Variants in ARHGEF18 observed in about 807,000 individuals in gnomAD.
The protein encoded by ARHGEF18 is Rho/Rac guanine nucleotide exchange factor 18, also known as rho guanine nucleotide exchange factor 18.
A neutral mutation model predicts 155.7 loss-of-function variants in ARHGEF18; 93 were observed. That is an observed-to-expected ratio of 0.60 (90% CI 0.50 to 0.71). ARHGEF18 has a LOEUF of 0.71. Among genes scored for constraint, ARHGEF18 ranks in the 30% least tolerant of loss-of-function variants. ARHGEF18 has a pLI of 0.00. For synonymous variants in ARHGEF18, 742 were observed against 753.1 expected, an observed-to-expected ratio of 0.99 and a Z score of 0.24; for missense variants, 1,593 against 1,816.1, an observed-to-expected ratio of 0.88 and a Z score of 2.23.
At position 7,383,086 on chromosome 19, in the gene ARHGEF18, G is replaced by C; in HGVS notation, c.850G>C (p.Asp284His). The change falls in exon 10 of 29, where the codon GAC (aspartate) becomes CAC (histidine). Residue 284 changes from aspartate to histidine, a missense_variant. Coordinates refer to ENST00000668164, the MANE Select transcript of ARHGEF18 (RefSeq NM_001367823.1). ...GGGGAAGAGCCCAGCACATCTGAAGGACAAGGGCCAGGATGCACGAGAGAG... is the reference window on the plus strand; with the variant it reads ...GGGGAAGAGCCCAGCACATCTGAAGCACAAGGGCCAGGATGCACGAGAGAG... The part of the protein sequence containing the change: ...EKGKSPAHLK[D>H]KGQDARERRE... 10 of 1,232,486 alleles carry C rather than the reference G, an allele frequency of 8.1e-6. No homozygotes were observed. Among genetic ancestry groups the C allele is most frequent in the Non-Finnish European group, 1.0e-5 (10 of 988,192 alleles). 76.3% of individuals were successfully genotyped at this position (1,232,486 alleles called of 1,614,324 possible). A position where few individuals can be genotyped will look rare whatever the true frequency, so the allele number is the denominator to read the frequency against.
chr19:7,447,456 C>T (rs1975069245), intron 15 of ARHGEF18, among the ~76,000 whole-genome samples: 1 of 151,772 alleles, frequency 6.6e-6, no homozygotes, highest in South Asian at 2.1e-4. Context: ...GCCACTGCCA[C>T]TGCACTCGAG....
intron 10 of ARHGEF18, among the ~76,000 whole-genome samples, chr19:7,436,889 T>C (rs2145751037): frequency 6.6e-6 from 1 of 152,322 alleles, no homozygotes; most frequent in South Asian, 2.1e-4. Context: ...TTGTCTCCTA[T>C]AACAATAGTA....
chr19:7,454,442 A>C (rs1444775791), intron 17 of ARHGEF18, among the ~76,000 whole-genome samples: 1 of 149,940 alleles, frequency 6.7e-6, no homozygotes, highest in Non-Finnish European at 1.5e-5. Context: ...CTCTTGGATC[A>C]GTGGCCACCA....
intron 10 of ARHGEF18, among the ~76,000 whole-genome samples, chr19:7,410,660 A>G (rs565638247): frequency 6.6e-6 from 1 of 151,904 alleles, no homozygotes; most frequent in East Asian, 1.9e-4. Context: ...AAATAAAAAA[A>G]TTAGCTGGGT....
rs998896915 is a variant in ARHGEF18, at chr19:7,467,754, T to C, written c.3480+70T>C. On this transcript the variant is annotated intron_variant, in intron 26 of 28. Coordinates refer to ENST00000668164, the MANE Select transcript of ARHGEF18 (RefSeq NM_001367823.1). ...TTGCACGTGCATTTGCACGAGTGCA[T>C]GCAGGTGACAGGGTTCGCGGGTGCA... 11 of 1,383,658 alleles carry C rather than the reference T, an allele frequency of 7.9e-6. No individual in the cohort carries two copies. The Admixed American group carries it at 3.3e-4, about 41-fold the overall frequency. 85.7% of individuals were successfully genotyped at this position (1,383,658 alleles called of 1,614,324 possible). A position where few individuals can be genotyped will look rare whatever the true frequency, so the allele number is the denominator to read the frequency against.
intron 17 of ARHGEF18, 127 bp from the exon 18 acceptor site, chr19:7,456,200 C>G (rs112083323): frequency 2.4e-4 from 207 of 858,996 alleles, no homozygotes; most frequent in African/African-American, 2.1e-3. Context: ...AGAAAGGAAA[C>G]TTCTAGGCCC....
chr19:7,367,670 C>T (rs1436163549), intron 2 of ARHGEF18, among the ~76,000 whole-genome samples: 2 of 148,168 alleles, frequency 1.3e-5, no homozygotes, highest in African/African-American at 2.5e-5. Context: ...CACTTGAACC[C>T]AGGAGGTGGA....
chr19:7,432,438 A>G (rs1339456777), intron 10 of ARHGEF18, among the ~76,000 whole-genome samples: 1 of 152,158 alleles, frequency 6.6e-6, no homozygotes, highest in Non-Finnish European at 1.5e-5. Context: ...CAGGCCTTGA[A>G]ACCGAGGTGC....
intron 27 of ARHGEF18, 130 bp from the exon 28 acceptor site, chr19:7,469,774 C>T (rs1976899635): frequency 1.8e-6 from 2 of 1,124,116 alleles, no homozygotes; most frequent in South Asian, 3.0e-5. Context: ...CAGCTCAGGT[C>T]ACGGGATCCA....
downstream of ARHGEF18, chr19:7,477,323 C>T: frequency 6.4e-7 from 1 of 1,560,202 alleles, no homozygotes; most frequent in Middle Eastern, 1.7e-4. Flanking sequence ...CCACAGCACG[C>T]CCCGGGGCAG....
intron 10 of ARHGEF18, among the ~76,000 whole-genome samples, chr19:7,426,471 A>C (rs1973669307): frequency 6.9e-6 from 1 of 144,882 alleles, no homozygotes. Context: ...TGGGCGACAA[A>C]GTGAGACTCT....
chr19:7,385,416 T>C (rs945050493), intron 10 of ARHGEF18, among the ~76,000 whole-genome samples: 1 of 151,266 alleles, frequency 6.6e-6, no homozygotes, highest in African/African-American at 2.4e-5. Context: ...CCCACTGACT[T>C]AGAGCGTCGC....
chr19:7,388,777 C>T (rs940485646), intron 10 of ARHGEF18, among the ~76,000 whole-genome samples: 4 of 148,416 alleles, frequency 2.7e-5, no homozygotes, highest in Admixed American at 2.7e-4. Flanking sequence ...GATGGGGTTT[C>T]ACCATGTTGG....
At chr19:7,404,545 C>T (rs1315449357) in intron 10 of ARHGEF18, among the ~76,000 whole-genome samples, 3 of 149,780 alleles carry the variant, frequency 2.0e-5, no homozygotes, top group Non-Finnish European at 4.4e-5. Context: ...CTGCAATCTC[C>T]GTCTCCCGGG....
chr19:7,372,105 C>A (rs1568274042), intron 2 of ARHGEF18, among the ~76,000 whole-genome samples: 1 of 152,194 alleles, frequency 6.6e-6, no homozygotes, highest in Non-Finnish European at 1.5e-5. Context: ...TCGCATGGAG[C>A]CATGGGGGAA....
At chr19:7,367,101 A>G (rs1190798918) in intron 2 of ARHGEF18, among the ~76,000 whole-genome samples, 1 of 152,152 alleles carries the variant, frequency 6.6e-6, no homozygotes, top group African/African-American at 2.4e-5. Context: ...ATATTATTCT[A>G]TCCGCCAAGG....
At chr19:7,351,591 G>A (rs931804241) in intron 1 of ARHGEF18, among the ~76,000 whole-genome samples, 1 of 151,982 alleles carries the variant, frequency 6.6e-6, no homozygotes, top group Non-Finnish European at 1.5e-5. Flanking sequence ...CCAAAGTGCT[G>A]GGATTACAGG....
intron 1 of ARHGEF18, chr19:7,355,810 C>T (rs1361804862): frequency 2.9e-6 from 2 of 686,896 alleles, no homozygotes; most frequent in Admixed American, 6.3e-5. Flanking sequence ...AGTACAGACT[C>T]TGCTGGCATC....
At chr19:7,382,561 C>G (rs1191482070) in intron 8 of ARHGEF18, among the ~76,000 whole-genome samples, 1 of 152,116 alleles carries the variant, frequency 6.6e-6, no homozygotes, top group Non-Finnish European at 1.5e-5. Context: ...GCATTTCCCT[C>G]TGTAAACCCA....
Sources: gnomAD v4.1 joint callset for allele counts (sites outside exome capture counted in the v4.1 genomes callset) on GRCh38, gnomAD v4.1.1 for gene constraint, MANE v1.5 for transcripts, NCBI Gene and HGNC (gene_info 2026-07-23, HGNC 2026-07-21) for gene names.